The following AP3S1 variants were observed in gnomAD, a reference collection of about 807,000 sequenced individuals.
AP3S1 encodes the protein adaptor related protein complex 3 subunit sigma 1, also known as AP-3 complex subunit sigma-1.
In AP3S1, 12 loss-of-function variants were observed where a neutral mutation model predicts 21.3. That is an observed-to-expected ratio of 0.56 (90% CI 0.36 to 0.91). AP3S1 has a LOEUF of 0.91. Ranked by LOEUF, AP3S1 falls within the 40% of genes least tolerant of loss-of-function variation. The pLI, the probability that AP3S1 is intolerant of heterozygous loss-of-function variation, is 0.01. For missense variants in AP3S1, 116 were observed against 225.0 expected (o/e 0.52, Z 3.10); for synonymous variants, 48 against 78.4 (o/e 0.61, Z 2.05).
intron 5 of AP3S1, chr5:115,906,760 G>C: frequency 7.7e-7 from 1 of 1,293,128 alleles, no homozygotes; most frequent in Non-Finnish European, 1.0e-6. Flanking sequence ...TTGAAAGTCA[G>C]TCCTCTTTTT....
Position 115,870,047 on chromosome 5 carries a change from T to G in AP3S1, c.192T>G (p.Ile64Met). 6.2e-7 allele frequency: 1 copy of G among 1,607,490 alleles called. No homozygotes were observed. Among genetic ancestry groups the G allele is most frequent in the Non-Finnish European group, 8.5e-7 (1 of 1,178,246 alleles). Residue 64 changes from isoleucine to methionine, a missense_variant, in exon 3 of 6, where the codon ATT becomes ATG. Physicochemically the swap from Ile to Met is conservative, Grantham distance 10. Coordinates refer to ENST00000316788, the MANE Select transcript of AP3S1 (RefSeq NM_001284.4). The stretch of plus-strand genomic sequence containing the variant: ...TTGGAGGATCTGACAACAAACTGAT[T>G]TATAGACATTATGCAACGTTATATT... Reference protein sequence around the residue: ...LLIGGSDNKLIYRHYATLYFV... With the variant: ...LLIGGSDNKLMYRHYATLYFV...
intron 3 of AP3S1, among the ~76,000 whole-genome samples, chr5:115,891,895 G>C (rs1750339783): frequency 6.6e-6 from 1 of 152,218 alleles, no homozygotes; most frequent in Non-Finnish European, 1.5e-5. Context: ...TGACCTGGAT[G>C]TGAGACATGG....
At chr5:115,885,160 T>C (rs1161972250) in intron 3 of AP3S1, among the ~76,000 whole-genome samples, 1 of 152,168 alleles carries the variant, frequency 6.6e-6, no homozygotes, top group Non-Finnish European at 1.5e-5. Context: ...TGACTTTCCA[T>C]TTGTATTAGT....
intron 1 of AP3S1, among the ~76,000 whole-genome samples, chr5:115,861,431 C>G (rs1211111803): frequency 2.6e-5 from 4 of 152,110 alleles, no homozygotes; most frequent in Admixed American, 1.3e-4. Context: ...CAGATAAAAA[C>G]TAGAGATCTT....
At chr5:115,897,283 A>G (rs1750831621) in intron 4 of AP3S1, among the ~76,000 whole-genome samples, 2 of 152,134 alleles carry the variant, frequency 1.3e-5, no homozygotes, top group Non-Finnish European at 2.9e-5. Flanking sequence ...ACACTATATC[A>G]CTATTTTAGA....
chr5:115,849,958 A>G (rs1283966089), intron 1 of AP3S1, among the ~76,000 whole-genome samples: 1 of 152,204 alleles, frequency 6.6e-6, no homozygotes, highest in Non-Finnish European at 1.5e-5. Context: ...TAGCCTCTCT[A>G]TCAATGAGAC....
chr5:115,884,520 A>G lies in AP3S1; in HGVS notation c.274-10567A>G, dbSNP rs186690928. ...GGGGAGGGGAGTGGAGGTTGCTGTG[A>G]GTTGAAATCACACCTTTGTACTCCA... On this transcript the variant is annotated intron_variant, in intron 3 of 5. Transcript: ENST00000316788. 5.1e-3 allele frequency among the ~76,000 whole-genome samples: 771 copies of G among 152,322 alleles called. 2 individuals are homozygous for G. Among genetic ancestry groups the G allele is most frequent in the South Asian group, 7.2e-3 (35 of 4,834 alleles).
intron 4 of AP3S1, among the ~76,000 whole-genome samples, chr5:115,900,585 C>T (rs1751128751): frequency 6.6e-6 from 1 of 152,166 alleles, no homozygotes; most frequent in Admixed American, 6.5e-5. Context: ...TAGAGGTGCT[C>T]ATGATTATGA....
intron 1 of AP3S1, among the ~76,000 whole-genome samples, chr5:115,849,901 AAAACAAAAACAAAGG>A (rs1374783447): frequency 6.6e-6 from 1 of 152,120 alleles, no homozygotes; most frequent in Non-Finnish European, 1.5e-5. Flanking sequence ...TTCTAAAAAA[AAAACAAAAACAAAGG>A]AAACAAAAAA....
At chr5:115,881,543 A>C (rs1749289122) in intron 3 of AP3S1, among the ~76,000 whole-genome samples, 1 of 152,038 alleles carries the variant, frequency 6.6e-6, no homozygotes, top group Non-Finnish European at 1.5e-5. Flanking sequence ...CTGGCTTACA[A>C]GCCAGCAGGG....
At chr5:115,892,903 G>A (rs369449687) in intron 3 of AP3S1, among the ~76,000 whole-genome samples, 7 of 152,232 alleles carry the variant, frequency 4.6e-5, no homozygotes, top group South Asian at 2.1e-4. Flanking sequence ...TTGCATGCCT[G>A]TATCAAAACA....
In AP3S1 at chr5:115,910,001, C is replaced by T. The variant is rs114219988; in HGVS notation, c.454-3361C>T. On this transcript the variant is annotated intron_variant, in intron 5 of 5. Coordinates refer to ENST00000316788, the MANE Select transcript of AP3S1 (RefSeq NM_001284.4). ...ATGTGAGGCCAGGTGCACTGGCTCA[C>T]GCCTATAATACCAACACTTTGAGGG... Among the ~76,000 whole-genome samples, 469 of 152,244 alleles carry T rather than the reference C, an allele frequency of 3.1e-3. 1 individual carries two copies. The highest frequency in any genetic ancestry group is 0.01 in the African/African-American group (430 of 41,536).
At chr5:115,907,413 C>G (rs1231902922) in intron 5 of AP3S1, among the ~76,000 whole-genome samples, 1 of 152,094 alleles carries the variant, frequency 6.6e-6, no homozygotes, top group Non-Finnish European at 1.5e-5. Flanking sequence ...TTTTTCCCCT[C>G]AAATGGTTTT....
At chr5:115,857,561 T>C (rs1762887355) in intron 1 of AP3S1, among the ~76,000 whole-genome samples, 1 of 152,246 alleles carries the variant, frequency 6.6e-6, no homozygotes, top group Non-Finnish European at 1.5e-5. Context: ...TACGTACATA[T>C]TGGTTAAAGA....
intron 3 of AP3S1, among the ~76,000 whole-genome samples, chr5:115,883,901 A>G (rs1360057525): frequency 6.6e-6 from 1 of 152,230 alleles, no homozygotes; most frequent in Admixed American, 6.5e-5. Flanking sequence ...TTCAGTTTTA[A>G]TAATACTTAT....
At chr5:115,905,236 C>G (rs565038770) in intron 5 of AP3S1, among the ~76,000 whole-genome samples, 1 of 152,166 alleles carries the variant, frequency 6.6e-6, no homozygotes, top group East Asian at 1.9e-4. Flanking sequence ...AATAAAACTT[C>G]GTTAATGAGG....
chr5:115,882,656 C>A (rs1749407991), intron 3 of AP3S1, among the ~76,000 whole-genome samples: 1 of 152,142 alleles, frequency 6.6e-6, no homozygotes, highest in South Asian at 2.1e-4. Context: ...GGAGGTGTCT[C>A]CCAGTTAGGA....
At chr5:115,910,506 C>A (rs1439801916) in intron 5 of AP3S1, among the ~76,000 whole-genome samples, 2 of 151,048 alleles carry the variant, frequency 1.3e-5, no homozygotes, top group East Asian at 3.9e-4. Flanking sequence ...ATGTATCTTA[C>A]TGGAAAAAAA....
intron 1 of AP3S1, among the ~76,000 whole-genome samples, chr5:115,848,624 C>G (rs1048023665): frequency 3.3e-5 from 5 of 152,168 alleles, no homozygotes; most frequent in African/African-American, 9.6e-5. Context: ...GTCAAGAGTT[C>G]ATTCTTACCT....
Sources: allele counts gnomAD v4.1 joint callset (sites outside exome capture counted in the v4.1 genomes callset), GRCh38; gene constraint gnomAD v4.1.1; transcripts MANE v1.5; gene names NCBI Gene and HGNC (gene_info 2026-07-23, HGNC 2026-07-21).